Variants in ATAD2 observed in about 807,000 individuals in gnomAD.
The protein encoded by ATAD2 is ATPase family AAA domain containing 2, also known as ATPase family AAA domain-containing protein 2.
A neutral mutation model predicts 168.9 loss-of-function variants in ATAD2; 62 were observed. The observed-to-expected ratio is 0.37, with a 90% CI of 0.30 to 0.45. ATAD2 has a LOEUF of 0.45. Ranked by LOEUF, ATAD2 falls within the 20% of genes least tolerant of loss-of-function variation. The pLI, the probability that ATAD2 is intolerant of heterozygous loss-of-function variation, is 1.00. For missense variants in ATAD2, 1,419 were observed against 1,667.8 expected (o/e 0.85, Z 2.60); for synonymous variants, 613 against 571.6 (o/e 1.07, Z -1.03).
intron 1 of ATAD2, among the ~76,000 whole-genome samples, chr8:123,391,391 T>C: frequency 7.6e-6 from 1 of 131,118 alleles, no homozygotes; most frequent in East Asian, 2.4e-4. Flanking sequence ...ATATTCAAAA[T>C]ATAAAAATAC....
In ATAD2 at chr8:123,350,733, C is replaced by CT. The variant is rs904617091; in HGVS notation, c.1647-1290dup. Reference sequence around the variant, plus strand: ...AGCTAGATCTAGAAGCTTTTTTTTTCTTTTTTTTTGAGACAGAGTCTCGCT... The same window carrying CT: ...AGCTAGATCTAGAAGCTTTTTTTTTCTTTTTTTTTTGAGACAGAGTCTCGCT... On this transcript the variant is annotated intron_variant, in intron 13 of 27. Coordinates refer to ENST00000287394, the MANE Select transcript of ATAD2 (RefSeq NM_014109.4). 6.0e-4 allele frequency among the ~76,000 whole-genome samples: 89 copies of CT among 148,548 alleles called. 1 individual carries two copies. Among genetic ancestry groups the CT allele is most frequent in the African/African-American group, 1.9e-3 (75 of 40,498 alleles).
chr8:123,348,874 A>AAGAG, intron 14 of ATAD2, among the ~76,000 whole-genome samples: 1 of 152,234 alleles, frequency 6.6e-6, no homozygotes, highest in East Asian at 1.9e-4. Context: ...GGTGCATATT[A>AAGAG]AGAGCTGTTT....
At chr8:123,323,675 G>A (rs1384761718) in intron 26 of ATAD2, among the ~76,000 whole-genome samples, 2 of 151,966 alleles carry the variant, frequency 1.3e-5, no homozygotes, top group Non-Finnish European at 2.9e-5. Context: ...CATAGGTAAT[G>A]GTCATAAAAA....
rs199785763 is a variant in ATAD2 at position 123,369,055 on chromosome 8, A to C, written c.1049+3T>G. ...TAAATCAATCACTATATCAGAACCA[A>C]ACCTGTTCATTCGTTTACAGTAAGG... On this transcript the variant is annotated splice_donor_region_variant and intron_variant, in intron 8 of 27. Transcript: ENST00000287394. 197 of 1,539,612 alleles carry C rather than the reference A, an allele frequency of 1.3e-4. No homozygotes were observed. The highest frequency in any genetic ancestry group is 1.6e-4 in the Non-Finnish European group (178 of 1,122,552).
intron 13 of ATAD2, among the ~76,000 whole-genome samples, chr8:123,353,764 T>C (rs1238173275): frequency 6.6e-6 from 1 of 152,136 alleles, no homozygotes; most frequent in Non-Finnish European, 1.5e-5. Flanking sequence ...ATTTTTTTTT[T>C]CTTTAAACAA....
chr8:123,371,458 G>T, intron 4 of ATAD2, 120 bp from the exon 5 acceptor site: 2 of 862,380 alleles, frequency 2.3e-6, no homozygotes, highest in Non-Finnish European at 3.4e-6. Context: ...TTTATAAGAA[G>T]CATTGATTTA....
Position 123,396,343 on chromosome 8 carries a change from G to C in ATAD2, c.15C>G (p.Arg5=), listed in dbSNP as rs766209349. The C allele has an allele frequency of 2.0e-5, 32 of 1,596,906 alleles. No individual in the cohort carries two copies. In the South Asian group the frequency reaches 3.5e-4, roughly 18 times the overall value. MVVL[R]SSLELHNHSA... ...AGTGGTTGTGCAGCTCCAAGCTGCT[G>C]CGGAGAACCACCATCTTCTCTCCCT... The change falls in exon 1 of 28, where the codon CGC becomes CGG. Residue 5 remains arginine (R), a synonymous_variant. Transcript: ENST00000287394.
chr8:123,329,977 GCTT>G (rs1827730297), intron 24 of ATAD2, among the ~76,000 whole-genome samples: 3 of 100,234 alleles, frequency 3.0e-5, no homozygotes, highest in African/African-American at 7.7e-5. Context: ...CTCCCCAGTG[GCTT>G]CTTTTTTTTT....
intron 26 of ATAD2, 62 bp from the exon 27 acceptor site, chr8:123,323,128 ATTTAGAAGGTTTG>A: frequency 2.0e-6 from 3 of 1,507,058 alleles, no homozygotes; most frequent in Non-Finnish European, 2.7e-6. Flanking sequence ...AAGATACTTA[ATTTAGAAGGTTTG>A]GGCAATTATT....
Position 123,375,187 on chromosome 8 carries a change from A to G in ATAD2, c.321-2501T>C, listed in dbSNP as rs559436721. ...ACCATTACGTAAAATAATCATCACT[A>G]TTTGTAATAATGACCTGAATGTAGG... On this transcript the variant is annotated intron_variant, in intron 2 of 27. Coordinates refer to ENST00000287394, the MANE Select transcript of ATAD2 (RefSeq NM_014109.4). 2.0e-5 allele frequency among the ~76,000 whole-genome samples: 3 copies of G among 152,350 alleles called. No homozygotes were observed. In the South Asian group the frequency reaches 6.2e-4, roughly 32 times the overall value.
chr8:123,359,202 A>G lies in ATAD2; in HGVS notation c.1382+19T>C. 6.6e-7 allele frequency: 1 copy of G among 1,515,506 alleles called. No individual in the cohort carries two copies. Among genetic ancestry groups the G allele is most frequent in the Non-Finnish European group, 9.0e-7 (1 of 1,111,166 alleles). 93.9% of individuals were successfully genotyped at this position (1,515,506 alleles called of 1,614,324 possible). A position where few individuals can be genotyped will look rare whatever the true frequency, so the allele number is the denominator to read the frequency against. ...ATAGCAAAGATTTTCAGCTAAAATT[A>G]AAAATATAATTAAATTACCTTGGGG... is the stretch of plus-strand genomic sequence containing the variant. On this transcript the variant is annotated intron_variant, in intron 11 of 27. Coordinates refer to ENST00000287394, the MANE Select transcript of ATAD2 (RefSeq NM_014109.4).
intron 1 of ATAD2, among the ~76,000 whole-genome samples, chr8:123,412,622 A>G (rs957856130): frequency 1.3e-5 from 2 of 151,560 alleles, no homozygotes; most frequent in African/African-American, 4.8e-5. Context: ...TTTTGTAGAG[A>G]CAGGGTCTTG....
chr8:123,346,585 T>G, intron 17 of ATAD2, 33 bp downstream of exon 17: 1 of 1,490,912 alleles, frequency 6.7e-7, no homozygotes, highest in Non-Finnish European at 9.0e-7. Flanking sequence ...AATTTACACA[T>G]GCAAAAAACA....
intron 19 of ATAD2, among the ~76,000 whole-genome samples, chr8:123,341,487 T>G (rs1427042126): frequency 1.3e-5 from 2 of 152,198 alleles, no homozygotes; most frequent in African/African-American, 4.8e-5. Flanking sequence ...TTTTTTCCAC[T>G]GTGTTAATCA....
chr8:123,364,663 A>T (rs1828919122), intron 8 of ATAD2, among the ~76,000 whole-genome samples: 3 of 152,206 alleles, frequency 2.0e-5, no homozygotes, highest in Non-Finnish European at 4.4e-5. Flanking sequence ...AAACAGAATT[A>T]AAAACAAAAA....
chr8:123,390,749 T>C (rs1213812816), intron 1 of ATAD2, among the ~76,000 whole-genome samples: 1 of 152,138 alleles, frequency 6.6e-6, no homozygotes, highest in African/African-American at 2.4e-5. Flanking sequence ...AACCCAAAAG[T>C]AGGCCAGGCG....
chr8:123,349,748 GA>G (rs1379908113), intron 13 of ATAD2, among the ~76,000 whole-genome samples: 2 of 150,674 alleles, frequency 1.3e-5, no homozygotes, highest in Non-Finnish European at 3.0e-5. Flanking sequence ...ACATCAAAAA[GA>G]AAAAAAAGGC....
chr8:123,369,035 C>T (rs972101008), intron 8 of ATAD2, 23 bp downstream of exon 8: 8 of 1,385,562 alleles, frequency 5.8e-6, no homozygotes, highest in Non-Finnish European at 8.0e-6. Flanking sequence ...TGTCATAAAT[C>T]AATCACTATA....
chr8:123,376,562 T>TACAC lies in ATAD2; in HGVS notation c.321-3880_321-3877dup, dbSNP rs529588632. ...GAGCAAGACTCCATCTCAAAAAAAA[T>TACAC]ACACACACACACACACACACTAAAA... On this transcript the variant is annotated intron_variant, in intron 2 of 27. Coordinates refer to ENST00000287394, the MANE Select transcript of ATAD2 (RefSeq NM_014109.4). 4.2e-3 allele frequency among the ~76,000 whole-genome samples: 630 copies of TACAC among 150,254 alleles called. 6 individuals are homozygous for TACAC. The highest frequency in any genetic ancestry group is 0.03 in the Admixed American group (457 of 15,060).
Sources: gnomAD v4.1 joint callset for allele counts (sites outside exome capture counted in the v4.1 genomes callset) on GRCh38, gnomAD v4.1.1 for gene constraint, MANE v1.5 for transcripts, NCBI Gene and HGNC (gene_info 2026-07-23, HGNC 2026-07-21) for gene names.